The following NDUFAF6 variants were observed in gnomAD, a reference collection of about 807,000 sequenced individuals.
NDUFAF6 encodes NADH:ubiquinone oxidoreductase complex assembly factor 6, also known as NADH dehydrogenase (ubiquinone) complex I, assembly factor 6.
In NDUFAF6, 45 loss-of-function variants were observed where a neutral mutation model predicts 40.8. That is an observed-to-expected ratio of 1.10 (90% CI 0.87 to 1.42). The LOEUF (loss-of-function observed/expected upper bound fraction) is 1.42. NDUFAF6 is among the 40% of genes most tolerant of loss of function. The probability of loss-of-function intolerance (pLI) is 0.00; values close to 1 mark genes in which losing one functional copy is unlikely to be tolerated. For synonymous variants in NDUFAF6, 185 were observed against 155.9 expected (o/e 1.19, Z -1.39); for missense variants, 435 against 418.5 (o/e 1.04, Z -0.34).
At chr8:94,951,751 A>C (rs1279546098) in intron 2 of NDUFAF6, among the ~76,000 whole-genome samples, 1 of 152,240 alleles carries the variant, frequency 6.6e-6, no homozygotes, top group Non-Finnish European at 1.5e-5. Flanking sequence ...TTGCAGACAC[A>C]CAAATTTACT....
At chr8:94,940,227 C>A (rs750334220) in intron 1 of NDUFAF6, 2 of 1,598,806 alleles carry the variant, frequency 1.3e-6, no homozygotes, top group Admixed American at 1.7e-5. Flanking sequence ...GTATCTAGAT[C>A]GTAGTCCACA....
chr8:94,919,626 G>C (rs928713978), intron 1 of NDUFAF6, among the ~76,000 whole-genome samples: 1 of 152,148 alleles, frequency 6.6e-6, no homozygotes, highest in African/African-American at 2.4e-5. Context: ...GGGACAGAGA[G>C]GATGCTCCAA....
intron 1 of NDUFAF6, among the ~76,000 whole-genome samples, chr8:94,912,674 G>C (rs546881323): frequency 2.6e-5 from 4 of 151,854 alleles, no homozygotes; most frequent in African/African-American, 9.7e-5. Context: ...TTAGCTGGGC[G>C]TGGTGGCGGG....
intron 1 of NDUFAF6, among the ~76,000 whole-genome samples, chr8:94,933,264 A>G (rs929512694): frequency 1.3e-5 from 2 of 152,212 alleles, no homozygotes; most frequent in African/African-American, 4.8e-5. Flanking sequence ...TATATATGGA[A>G]AAGTATGTAT....
Position 94,984,356 on chromosome 8 carries a change from A to C in NDUFAF6, c.-84+3383A>C, listed in dbSNP as rs1324344124. Among the ~76,000 whole-genome samples the C allele has an allele frequency of 2.9e-4, 44 of 152,230 alleles. 1 individual carries two copies. Among genetic ancestry groups the C allele is most frequent in the Admixed American group, 2.9e-3 (44 of 15,288 alleles). ...TGGGAGGTGAAATTAATTATTTTTAAGTAAATTACCTAAATGATTTGGGCA... is the reference window on the plus strand; with the variant it reads ...TGGGAGGTGAAATTAATTATTTTTACGTAAATTACCTAAATGATTTGGGCA... On this transcript the variant is annotated intron_variant, in intron 2 of 9. Coordinates refer to the NDUFAF6 transcript ENST00000396111.
chr8:95,041,232 A>T (rs970878002), intron 3 of NDUFAF6, among the ~76,000 whole-genome samples: 2 of 152,216 alleles, frequency 1.3e-5, no homozygotes, highest in Non-Finnish European at 2.9e-5. Flanking sequence ...AAAAAAATAA[A>T]AAAGTCAGGG....
intron 1 of NDUFAF6, among the ~76,000 whole-genome samples, chr8:94,905,830 G>A (rs775605299): frequency 1.3e-5 from 2 of 152,152 alleles, no homozygotes. Context: ...GCAGTTTCTG[G>A]TGTTTCCTAT....
chr8:95,039,627 T>TA (rs201114936), intron 3 of NDUFAF6, among the ~76,000 whole-genome samples: 1,605 of 151,848 alleles, frequency 0.011, 30 homozygotes, highest in African/African-American at 0.037. Flanking sequence ...TTTTTTTTTT[T>TA]ATTTCTATTT....
At chr8:95,032,241 A>G (rs1828942527) in intron 2 of NDUFAF6, 147 bp downstream of exon 2, 10 of 711,236 alleles carry the variant, frequency 1.4e-5, no homozygotes, top group Non-Finnish European at 1.9e-5. Context: ...CTAACTGTTT[A>G]GGCTTAGTAA....
chr8:95,061,195 G>C (rs1023389358), downstream of NDUFAF6, among the ~76,000 whole-genome samples: 1 of 152,184 alleles, frequency 6.6e-6, no homozygotes, highest in Non-Finnish European at 1.5e-5. Context: ...GAGTTCTTAG[G>C]AAAGTTTGTG....
chr8:95,080,978 A>C (rs1158497328), downstream of NDUFAF6, among the ~76,000 whole-genome samples: 1 of 151,984 alleles, frequency 6.6e-6, no homozygotes, highest in African/African-American at 2.4e-5. Flanking sequence ...CCTCGTACTC[A>C]AGGACAGAGT....
chr8:95,004,665 T>C (rs1221713624), intron 2 of NDUFAF6, among the ~76,000 whole-genome samples: 2 of 152,122 alleles, frequency 1.3e-5, no homozygotes, highest in African/African-American at 4.8e-5. Flanking sequence ...TTTTGAATTC[T>C]TAACTCTACC....
intron 1 of NDUFAF6, among the ~76,000 whole-genome samples, chr8:94,921,154 A>G (rs566561970): frequency 6.2e-4 from 95 of 152,358 alleles, no homozygotes; most frequent in African/African-American, 2.2e-3. Flanking sequence ...TCAAGATATT[A>G]AATTATGTCA....
rs567388216 is a variant in NDUFAF6 at position 94,942,895 on chromosome 8, A to G, written c.-935-2588A>G. Among the ~76,000 whole-genome samples, 541 of 152,338 alleles carry G rather than the reference A, an allele frequency of 3.6e-3. 4 individuals are homozygous for G. Among genetic ancestry groups the G allele is most frequent in the Non-Finnish European group, 5.6e-3 (384 of 68,026 alleles). Reference sequence around the variant, plus strand: ...CAATAGCAGGCTAGGGGAGCTGAGCAGGAACCAGGTCCTGCAGGGCCTTGT... The same window carrying G: ...CAATAGCAGGCTAGGGGAGCTGAGCGGGAACCAGGTCCTGCAGGGCCTTGT... On this transcript the variant is annotated intron_variant, in intron 1 of 14. Coordinates refer to the NDUFAF6 transcript ENST00000396113.
chr8:95,048,322 A>C, intron 6 of NDUFAF6, 135 bp from the exon 7 acceptor site: 1 of 705,948 alleles, frequency 1.4e-6, no homozygotes, highest in Non-Finnish European at 2.6e-6. Flanking sequence ...TAGGCATTAA[A>C]CTGTACATAC....
intron 1 of NDUFAF6, chr8:94,940,360 T>C: frequency 1.1e-6 from 1 of 948,110 alleles, no homozygotes; most frequent in Non-Finnish European, 1.5e-6. Flanking sequence ...TATTAGCTGA[T>C]GCTCACGTAT....
At chr8:94,990,606 A>G (rs1263791895) in intron 2 of NDUFAF6, among the ~76,000 whole-genome samples, 2 of 152,202 alleles carry the variant, frequency 1.3e-5, no homozygotes, top group Non-Finnish European at 2.9e-5. Context: ...AGTAACAGCC[A>G]TGGAAACGTG....
intron 2 of NDUFAF6, among the ~76,000 whole-genome samples, chr8:95,086,264 G>A (rs923184755): frequency 3.3e-5 from 5 of 152,140 alleles, no homozygotes; most frequent in South Asian, 2.1e-4. Context: ...TGAGGATAGC[G>A]ACAGGTAATG....
chr8:94,933,838 G>GGA lies in NDUFAF6; in HGVS notation c.-935-11644_-935-11643insAG, dbSNP rs1554630476. 6.7e-5 allele frequency among the ~76,000 whole-genome samples: 10 copies of GGA among 148,482 alleles called. 3 individuals carry two copies. Among genetic ancestry groups the GGA allele is most frequent in the African/African-American group, 1.7e-4 (7 of 40,060 alleles). On this transcript the variant is annotated intron_variant, in intron 1 of 14. Transcript: ENST00000396113. ...GCCTGTAATCCCAGCACTTTGTGGG[G>GGA]GGGGGGGGAGGATCACGAGGTCAGG...
Sources: allele counts gnomAD v4.1 joint callset (sites outside exome capture counted in the v4.1 genomes callset), GRCh38; gene constraint gnomAD v4.1.1; transcripts MANE v1.5; gene names NCBI Gene and HGNC (gene_info 2026-07-23, HGNC 2026-07-21).